UBAP2: variants seen among roughly 807,000 people sequenced by gnomAD.
UBAP2 encodes the protein ubiquitin associated protein 2.
A neutral mutation model predicts 139.6 loss-of-function variants in UBAP2; 75 were observed. That is an observed-to-expected ratio of 0.54 (90% confidence interval 0.45 to 0.65). The LOEUF (loss-of-function observed/expected upper bound fraction) is 0.65. Among genes scored for constraint, UBAP2 ranks in the 30% least tolerant of loss-of-function variants. The pLI is 0.00. For synonymous variants in UBAP2, 526 were observed against 526.2 expected, an observed-to-expected ratio of 1.00 and a Z score of 0.01; for missense variants, 1,368 against 1,369.6, an observed-to-expected ratio of 1.00 and a Z score of 0.02.
At chr9:33,950,944 C>T (rs1183133625) in intron 12 of UBAP2, among the ~76,000 whole-genome samples, 4 of 152,230 alleles carry the variant, frequency 2.6e-5, no homozygotes, top group South Asian at 4.1e-4. Flanking sequence ...GCCCAAATCC[C>T]AATCCCAAAG....
intron 13 of UBAP2, among the ~76,000 whole-genome samples, chr9:33,945,469 C>T (rs562882834): frequency 7.2e-4 from 108 of 149,800 alleles, no homozygotes; most frequent in Non-Finnish European, 1.3e-3. Context: ...CACTGCACTC[C>T]AGCCTGGGTG....
intron 9 of UBAP2, among the ~76,000 whole-genome samples, chr9:33,962,041 T>C (rs1336710073): frequency 2.6e-5 from 4 of 152,118 alleles, no homozygotes; most frequent in African/African-American, 4.8e-5. Flanking sequence ...AAACCACTAA[T>C]ACACTGGAAA....
In UBAP2 at chr9:33,953,465, C is replaced by T; in HGVS notation, c.876G>A (p.Leu292=). 2 of 1,613,724 alleles carry T rather than the reference C, an allele frequency of 1.2e-6. No homozygotes were observed. The highest frequency in any genetic ancestry group is 1.7e-6 in the Non-Finnish European group (2 of 1,179,890). Residue 292 remains leucine, a synonymous_variant, in exon 12 of 29, where the codon CTG becomes CTA. Coordinates refer to ENST00000379238, the MANE Select transcript of UBAP2 (RefSeq NM_001370062.2). The stretch of plus-strand genomic sequence containing the variant: ...GAACAGGCTTCTGGAGCAAGGCTAC[C>T]AGATCAATGCTAAGCAGACAAAAAG... The part of the protein sequence containing the change: ...NHILPGQSID[L]VALLQKPVPH...
chr9:33,987,807 T>A (rs576756643), intron 5 of UBAP2, among the ~76,000 whole-genome samples: 1 of 152,336 alleles, frequency 6.6e-6, no homozygotes, highest in African/African-American at 2.4e-5. Flanking sequence ...GTTCAAAGCC[T>A]GGAAAGGCAC....
intron 6 of UBAP2, among the ~76,000 whole-genome samples, chr9:33,973,619 T>C (rs561029122): frequency 1.3e-5 from 2 of 152,318 alleles, no homozygotes; most frequent in East Asian, 3.9e-4. Flanking sequence ...CTGAAGGCAC[T>C]GTTAAGTATC....
intron 16 of UBAP2, 123 bp downstream of exon 16, chr9:33,941,526 A>ATTCT: frequency 1.2e-6 from 1 of 825,568 alleles, no homozygotes; most frequent in Non-Finnish European, 1.9e-6. Context: ...AACTATAAGG[A>ATTCT]TTCTACTCAA....
chr9:34,027,052 CACT>C (rs1277189354), intron 1 of UBAP2, among the ~76,000 whole-genome samples: 1 of 152,150 alleles, frequency 6.6e-6, no homozygotes, highest in Non-Finnish European at 1.5e-5. Flanking sequence ...TTTCTGTGAC[CACT>C]ACTATTATTT....
chr9:34,037,804 T>A (rs1453972176), intron 1 of UBAP2, among the ~76,000 whole-genome samples: 1 of 151,874 alleles, frequency 6.6e-6, no homozygotes, highest in Non-Finnish European at 1.5e-5. Context: ...GAAAAGAGGC[T>A]ATAAAAATAC....
intron 6 of UBAP2, among the ~76,000 whole-genome samples, chr9:33,985,710 T>G (rs1229410185): frequency 2.0e-5 from 3 of 151,774 alleles, no homozygotes; most frequent in African/African-American, 7.3e-5. Flanking sequence ...GGTGGATAGG[T>G]TAAAACACAG....
intron 19 of UBAP2, among the ~76,000 whole-genome samples, chr9:33,932,048 G>A (rs995873662): frequency 3.9e-5 from 6 of 151,948 alleles, no homozygotes; most frequent in Non-Finnish European, 8.8e-5. Flanking sequence ...CCATGCTCAC[G>A]GCTCCACGAC....
chr9:33,991,129 T>C (rs888834758), intron 4 of UBAP2, among the ~76,000 whole-genome samples: 14 of 151,926 alleles, frequency 9.2e-5, no homozygotes, highest in African/African-American at 3.4e-4. Context: ...CTACTAAAAA[T>C]ACAAAAATTA....
intron 18 of UBAP2, among the ~76,000 whole-genome samples, chr9:33,933,108 G>A (rs534774892): frequency 2.0e-3 from 297 of 152,258 alleles, no homozygotes; most frequent in Non-Finnish European, 3.4e-3. Flanking sequence ...CTTCAGCCAT[G>A]GAAAGTTCAA....
chr9:34,038,981 GGGAGTTGA>G (rs1317168884), intron 1 of UBAP2, among the ~76,000 whole-genome samples: 1 of 150,880 alleles, frequency 6.6e-6, no homozygotes, highest in Non-Finnish European at 1.5e-5. Flanking sequence ...GACCCCGTCT[GGGAGTTGA>G]GGAGCGTCTC....
intron 8 of UBAP2, among the ~76,000 whole-genome samples, chr9:33,970,976 G>C (rs1331188586): frequency 6.6e-6 from 1 of 151,912 alleles, no homozygotes; most frequent in Non-Finnish European, 1.5e-5. Context: ...CTAATTTTTT[G>C]TATTTTTGTA....
intron 3 of UBAP2, chr9:33,997,264 TCA>T (rs1461137403): frequency 6.6e-6 from 1 of 152,202 alleles, no homozygotes; most frequent in Admixed American, 6.5e-5. Flanking sequence ...ACTAGAACGA[TCA>T]CAGACTAGGC....
In UBAP2 at chr9:33,941,882, T is replaced by G; in HGVS notation, c.1716-20A>C. 1 of 1,585,740 alleles carries G rather than the reference T, an allele frequency of 6.3e-7. No individual in the cohort carries two copies. The highest frequency in any genetic ancestry group is 8.6e-7 in the Non-Finnish European group (1 of 1,158,446). On this transcript the variant is annotated intron_variant, in intron 15 of 28. Coordinates refer to ENST00000379238, the MANE Select transcript of UBAP2 (RefSeq NM_001370062.2). ...GGCTCACTGAAAAGAGTCAAAAATA[T>G]TCAACATAATTTTGTTACTTTAAAT...
chr9:33,964,636 G>C (rs1158695965), intron 8 of UBAP2, among the ~76,000 whole-genome samples: 1 of 151,662 alleles, frequency 6.6e-6, no homozygotes, highest in Admixed American at 6.6e-5. Context: ...GGAGTTTGAG[G>C]TTGTAGTGCA....
Position 33,933,534 on chromosome 9 carries a change from C to G in UBAP2, c.2064G>C (p.Gln688His), listed in dbSNP as rs926009780. The G allele has an allele frequency of 2.5e-6, 4 of 1,613,822 alleles. No homozygotes were observed. Among genetic ancestry groups the G allele is most frequent in the Non-Finnish European group, 3.4e-6 (4 of 1,180,024 alleles). The stretch of plus-strand genomic sequence containing the variant: ...GGCTGCTAGTCAGGTCGCCAGTGTG[C>G]TGGGATGTGGACGGCAGAAGTGCAG... ...SCTALLPSTS[Q>H]HTGDLTSSPL... is the part of the protein sequence containing the mutation. The change falls in exon 18 of 29, where the codon CAG becomes CAC. Residue 688 changes from glutamine (Q) to histidine (H), a missense_variant. Gln to His is a conservative substitution (Grantham distance 24). Transcript: ENST00000379238.
At chr9:34,024,804 C>T (rs1210138968) in intron 1 of UBAP2, among the ~76,000 whole-genome samples, 4 of 151,900 alleles carry the variant, frequency 2.6e-5, no homozygotes, top group Non-Finnish European at 4.4e-5. Context: ...GCAAACATGG[C>T]GAAACCCTGT....
Sources: allele counts gnomAD v4.1 joint callset (sites outside exome capture counted in the v4.1 genomes callset), GRCh38; gene constraint gnomAD v4.1.1; transcripts MANE v1.5; gene names NCBI Gene and HGNC (gene_info 2026-07-23, HGNC 2026-07-21).